The following CLIP2 variants were observed in gnomAD, a reference collection of about 807,000 sequenced individuals.
The protein encoded by CLIP2 is CAP-Gly domain-containing linker protein 2.
In CLIP2, 41 loss-of-function variants were observed where a neutral mutation model predicts 111.7. The ratio of observed to expected loss-of-function variants is 0.37; its 90% CI spans 0.29 to 0.48. The LOEUF is 0.48. Among genes scored for constraint, CLIP2 ranks in the 20% least tolerant of loss-of-function variants. The probability of loss-of-function intolerance (pLI) is 0.99; values close to 1 mark genes in which losing one functional copy is unlikely to be tolerated. For synonymous variants in CLIP2, 660 were observed against 644.2 expected, an observed-to-expected ratio of 1.02 and a Z score of -0.37; for missense variants, 1,160 against 1,422.1, an observed-to-expected ratio of 0.82 and a Z score of 2.96.
At chr7:74,301,312 G>A (rs909766778) in intron 1 of CLIP2, among the ~76,000 whole-genome samples, 10 of 152,270 alleles carry the variant, frequency 6.6e-5, no homozygotes, top group Middle Eastern at 3.4e-3. Flanking sequence ...CATGCAGTTG[G>A]CATTCATTCA....
At position 74,343,728 on chromosome 7, in the gene CLIP2, AC is replaced by A. The variant is rs1447781190; in HGVS notation, c.678+4725del. ...GGCAACATAGCAAGACCCCGTCTCT[AC>A]TAAAAATACAAAAAAAAAAAAAAAA... On this transcript the variant is annotated intron_variant, in intron 3 of 16. Coordinates refer to ENST00000223398, the MANE Select transcript of CLIP2 (RefSeq NM_003388.5). Among the ~76,000 whole-genome samples, 10 of 113,260 alleles carry A rather than the reference AC, an allele frequency of 8.8e-5. No homozygotes were observed. The South Asian group carries it at 2.7e-3, about 31-fold the overall frequency. The allele number at this position is 113,260 out of a possible 152,430, so 74.3% of individuals were successfully genotyped here. A position where few individuals can be genotyped will look rare whatever the true frequency, so the allele number is the denominator to read the frequency against.
intron 3 of CLIP2, among the ~76,000 whole-genome samples, chr7:74,346,837 C>A (rs975574078): frequency 5.9e-5 from 9 of 151,784 alleles, no homozygotes; most frequent in African/African-American, 2.2e-4. Context: ...AGTTCCAGAC[C>A]AGCCTGGGCA....
chr7:74,334,126 C>T, intron 2 of CLIP2, among the ~76,000 whole-genome samples: 1 of 152,178 alleles, frequency 6.6e-6, no homozygotes, highest in East Asian at 1.9e-4. Flanking sequence ...ACTTGGCTCG[C>T]CCTGGCCAAG....
intron 3 of CLIP2, among the ~76,000 whole-genome samples, chr7:74,352,608 A>G (rs977388452): frequency 2.6e-5 from 4 of 151,640 alleles, no homozygotes; most frequent in Non-Finnish European, 4.4e-5. Context: ...CAAAATTTAG[A>G]TATGGAATAC....
At chr7:74,389,497 C>G (rs1791214704) in intron 13 of CLIP2, 1 of 350,778 alleles carries the variant, frequency 2.9e-6, no homozygotes. Flanking sequence ...TGGCTCATGC[C>G]TGTAATCCCA....
intron 11 of CLIP2, among the ~76,000 whole-genome samples, chr7:74,385,423 ACACTC>A (rs1388170306): frequency 6.6e-6 from 1 of 150,556 alleles, no homozygotes; most frequent in African/African-American, 2.4e-5. Flanking sequence ...CTATGATTGC[ACACTC>A]CACTCCAGCC....
intron 3 of CLIP2, among the ~76,000 whole-genome samples, chr7:74,339,698 C>A (rs1290884382): frequency 6.6e-6 from 1 of 152,124 alleles, no homozygotes; most frequent in East Asian, 1.9e-4. Flanking sequence ...AGTACCCATA[C>A]ATTTTGGCTA....
At chr7:74,385,005 G>C (rs561958603) in intron 11 of CLIP2, among the ~76,000 whole-genome samples, 1 of 151,252 alleles carries the variant, frequency 6.6e-6, no homozygotes, top group Non-Finnish European at 1.5e-5. Context: ...GGCTAGGCGC[G>C]GTGGCTCATG....
Position 74,386,570 on chromosome 7 carries a change from C to T in CLIP2, c.2529C>T (p.Thr843=). The T allele has an allele frequency of 6.2e-7, 1 of 1,610,926 alleles. No homozygotes were observed. The highest frequency in any genetic ancestry group is 1.1e-5 in the South Asian group (1 of 90,554). ...GGGACAAAGAGGTGACAGCCTTGAC[C>T]TCCCAGACCGAGATGCTCAGGGCCC... ...NKRDKEVTAL[T]SQTEMLRAQV... Residue 843 remains threonine (T), a synonymous_variant, in exon 12 of 17, where the codon ACC becomes ACT. Coordinates refer to ENST00000223398, the MANE Select transcript of CLIP2 (RefSeq NM_003388.5).
chr7:74,386,228 A>G (rs781786156), intron 11 of CLIP2, among the ~76,000 whole-genome samples: 5 of 149,994 alleles, frequency 3.3e-5, no homozygotes, highest in African/African-American at 4.9e-5. Context: ...TTGTATTTTT[A>G]GTAGAGACTC....
At chr7:74,396,926 A>T in intron 13 of CLIP2, 148 bp from the exon 14 acceptor site, 1 of 972,086 alleles carries the variant, frequency 1.0e-6, no homozygotes. Flanking sequence ...AATTGTGTCT[A>T]CTGTGGCCCC....
chr7:74,330,382 G>C (rs1387532563), intron 2 of CLIP2, among the ~76,000 whole-genome samples: 1 of 151,068 alleles, frequency 6.6e-6, no homozygotes, highest in East Asian at 2.0e-4. Context: ...TCAGCCTTCC[G>C]AGTAGCTGGG....
chr7:74,321,986 C>CT (rs34549907), intron 2 of CLIP2, among the ~76,000 whole-genome samples: 75,736 of 125,356 alleles, frequency 0.6, 25,191 homozygotes, highest in Non-Finnish European at 0.74. Flanking sequence ...TTTATTTTTC[C>CT]TTTTTTTTTT....
rs1451617744 is a variant in CLIP2 at position 74,351,853 on chromosome 7, T to TA, written c.679-2023dup. Among the ~76,000 whole-genome samples the TA allele has an allele frequency of 9.9e-5, 15 of 151,196 alleles. 1 individual carries two copies. Among genetic ancestry groups the TA allele is most frequent in the Non-Finnish European group, 1.5e-5 (1 of 67,786 alleles). On this transcript the variant is annotated intron_variant, in intron 3 of 16. Transcript: ENST00000223398. ...TCCGTCTCAAAATAAATAAATAAAA[T>TA]AAAATAAAATACAATAACATAACCT... is the stretch of plus-strand genomic sequence containing the variant.
chr7:74,344,184 G>A (rs782279061), intron 3 of CLIP2, among the ~76,000 whole-genome samples: 6 of 152,210 alleles, frequency 3.9e-5, no homozygotes, highest in Non-Finnish European at 7.3e-5. Context: ...ATCTCTGGGT[G>A]TGGTGTGCAA....
chr7:74,326,919 G>C (rs1789127622), intron 2 of CLIP2, among the ~76,000 whole-genome samples: 1 of 150,008 alleles, frequency 6.7e-6, no homozygotes, highest in African/African-American at 2.5e-5. Flanking sequence ...TACAGGCCTG[G>C]GTCACCGTGC....
intron 3 of CLIP2, among the ~76,000 whole-genome samples, chr7:74,349,301 C>T (rs186481434): frequency 1.3e-5 from 2 of 150,198 alleles, no homozygotes; most frequent in African/African-American, 4.9e-5. Flanking sequence ...CGTGGTGGCA[C>T]GTGCCTGTAA....
Position 74,400,506 on chromosome 7 carries a change from A to G in CLIP2, c.3017A>G (p.Gln1006Arg). The G allele has an allele frequency of 6.2e-7, 1 of 1,610,896 alleles. No homozygotes were observed. Among genetic ancestry groups the G allele is most frequent in the Non-Finnish European group, 8.5e-7 (1 of 1,178,402 alleles). The change falls in exon 15 of 17, where the codon CAG becomes CGG. Residue 1006 changes from glutamine to arginine, a missense_variant. Transcript: ENST00000223398. ...CGGGATGCGCTGGACCAGGCTCAGCAGGTGGAGAAGCTGATGGAGGCCATG... is the reference window on the plus strand; with the variant it reads ...CGGGATGCGCTGGACCAGGCTCAGCGGGTGGAGAAGCTGATGGAGGCCATG... ...ALRDALDQAQQVEKLMEAMRS... is the reference protein window; with the variant it reads ...ALRDALDQAQRVEKLMEAMRS...
At chr7:74,311,818 G>A (rs951926258) in intron 1 of CLIP2, among the ~76,000 whole-genome samples, 8 of 151,276 alleles carry the variant, frequency 5.3e-5, no homozygotes, top group East Asian at 1.9e-4. Context: ...AGGCTGAGAC[G>A]GGAGGATTGC....
Sources: allele counts gnomAD v4.1 joint callset (sites outside exome capture counted in the v4.1 genomes callset), GRCh38; gene constraint gnomAD v4.1.1; transcripts MANE v1.5; gene names NCBI Gene and HGNC (gene_info 2026-07-23, HGNC 2026-07-21).